Variants in CDKAL1 observed in about 807,000 individuals in gnomAD.
The protein encoded by CDKAL1 is threonylcarbamoyladenosine tRNA methylthiotransferase.
CDKAL1 carries 32 observed loss-of-function variants against 68.2 expected under a neutral mutation model. The observed-to-expected ratio is 0.47, with a 90% CI of 0.35 to 0.63. The LOEUF (loss-of-function observed/expected upper bound fraction) is 0.63, where lower values mean the gene tolerates loss of function less well. CDKAL1 is among the 30% of genes least tolerant of loss of function. CDKAL1 has a pLI of 0.00. For missense variants in CDKAL1, 606 were observed against 696.7 expected (o/e 0.87, Z 1.47); for synonymous variants, 234 against 244.3 (o/e 0.96, Z 0.39).
chr6:20,610,411 T>A (rs1359294081), intron 4 of CDKAL1, among the ~76,000 whole-genome samples: 1 of 152,214 alleles, frequency 6.6e-6, no homozygotes, highest in East Asian at 1.9e-4. Flanking sequence ...GTATAAGCTT[T>A]TCCTTTTTCT....
intron 8 of CDKAL1, among the ~76,000 whole-genome samples, chr6:20,810,543 G>T (rs1468194731): frequency 1.3e-5 from 2 of 151,388 alleles, no homozygotes; most frequent in Non-Finnish European, 2.9e-5. Context: ...GCTGCAGTGA[G>T]CTATGATCAT....
chr6:21,116,834 G>A (rs759314116), intron 13 of CDKAL1, among the ~76,000 whole-genome samples: 11 of 152,026 alleles, frequency 7.2e-5, no homozygotes, highest in African/African-American at 2.7e-4. Context: ...TATTTACCAC[G>A]CCTAAAAGTA....
Position 20,619,143 on chromosome 6 carries a change from A to G in CDKAL1, c.287-30150A>G, listed in dbSNP as rs9358354. 2.0e-5 allele frequency among the ~76,000 whole-genome samples: 3 copies of G among 152,268 alleles called. No individual in the cohort carries two copies. In the East Asian group the frequency reaches 5.8e-4, roughly 29 times the overall value. On this transcript the variant is annotated intron_variant, in intron 4 of 15. Transcript: ENST00000274695. The stretch of plus-strand genomic sequence containing the variant: ...TTTAAAGCTAAGCTACCCTCATATC[A>G]CTTGTTATTGATAATTCAGATGTAT...
At chr6:21,071,604 T>A (rs1771771972) in intron 12 of CDKAL1, among the ~76,000 whole-genome samples, 1 of 152,212 alleles carries the variant, frequency 6.6e-6, no homozygotes, top group Non-Finnish European at 1.5e-5. Flanking sequence ...TTTTGTTTTT[T>A]CTTGATTCTG....
At chr6:21,208,829 G>A (rs959729297) in intron 15 of CDKAL1, among the ~76,000 whole-genome samples, 3 of 152,188 alleles carry the variant, frequency 2.0e-5, no homozygotes, top group East Asian at 1.9e-4. Flanking sequence ...TTTATTGACC[G>A]TTGCAGCTGA....
intron 9 of CDKAL1, among the ~76,000 whole-genome samples, chr6:20,850,184 A>G (rs1758933724): frequency 6.6e-6 from 1 of 152,198 alleles, no homozygotes; most frequent in Non-Finnish European, 1.5e-5. Flanking sequence ...AAGTTACTCT[A>G]TAATGAAAAA....
At chr6:20,706,005 A>C (rs1471979157) in intron 5 of CDKAL1, among the ~76,000 whole-genome samples, 1 of 152,250 alleles carries the variant, frequency 6.6e-6, no homozygotes, top group East Asian at 1.9e-4. Context: ...GACCGTCTCC[A>C]TGGGTGCTGT....
At chr6:20,878,103 A>G (rs965432636) in intron 9 of CDKAL1, among the ~76,000 whole-genome samples, 15 of 152,178 alleles carry the variant, frequency 9.9e-5, no homozygotes, top group African/African-American at 3.6e-4. Context: ...GTGGTATTTA[A>G]TGGTATTTTA....
intron 12 of CDKAL1, among the ~76,000 whole-genome samples, chr6:21,108,139 A>T (rs974656649): frequency 5.3e-5 from 8 of 151,888 alleles, no homozygotes; most frequent in Admixed American, 1.3e-4. Context: ...GTTTTTGATG[A>T]TGATTAGTGT....
rs571474942 is a variant in CDKAL1, at chr6:20,558,044, T to TGA, written c.286+9342_286+9343dup. On this transcript the variant is annotated intron_variant, in intron 4 of 15. Transcript: ENST00000274695. ...CTTATGTTAGGTTATTTGCATGAACTGAGATTATTAAGTTCTAATATTTTT... is the reference window on the plus strand; with the variant it reads ...CTTATGTTAGGTTATTTGCATGAACTGAGAGATTATTAAGTTCTAATATTTTT... 6.7e-4 allele frequency among the ~76,000 whole-genome samples: 102 copies of TGA among 152,370 alleles called. 1 individual carries two copies. Among genetic ancestry groups the TGA allele is most frequent in the African/African-American group, 2.2e-3 (90 of 41,596 alleles).
At chr6:20,620,498 A>C (rs1393368030) in intron 4 of CDKAL1, among the ~76,000 whole-genome samples, 1 of 152,220 alleles carries the variant, frequency 6.6e-6, no homozygotes, top group African/African-American at 2.4e-5. Flanking sequence ...AGAAAGGTGA[A>C]GCTCCAGAGG....
At chr6:20,681,768 G>A (rs1373455222) in intron 5 of CDKAL1, among the ~76,000 whole-genome samples, 2 of 152,162 alleles carry the variant, frequency 1.3e-5, no homozygotes, top group African/African-American at 2.4e-5. Context: ...GCCTGGTGGA[G>A]CTCATAGGAT....
At chr6:20,724,320 T>C (rs887976116) in intron 5 of CDKAL1, among the ~76,000 whole-genome samples, 21 of 152,212 alleles carry the variant, frequency 1.4e-4, no homozygotes, top group Admixed American at 1.2e-3. Context: ...CCTTTTCTTT[T>C]TGAAAATGGA....
chr6:20,690,658 T>G (rs1213072564), intron 5 of CDKAL1, among the ~76,000 whole-genome samples: 1 of 152,174 alleles, frequency 6.6e-6, no homozygotes, highest in African/African-American at 2.4e-5. Flanking sequence ...ATTTTTTTGA[T>G]TATTTACTAT....
chr6:21,001,484 C>T (rs988168028), intron 11 of CDKAL1, among the ~76,000 whole-genome samples: 5 of 151,612 alleles, frequency 3.3e-5, no homozygotes, highest in African/African-American at 1.2e-4. Context: ...ATCCTAACCA[C>T]CAAGAATAAA....
intron 4 of CDKAL1, among the ~76,000 whole-genome samples, chr6:20,580,842 T>G (rs1397954114): frequency 6.6e-6 from 1 of 152,054 alleles, no homozygotes; most frequent in Admixed American, 6.6e-5. Flanking sequence ...CAGGCTGAAG[T>G]GCAATGGTGC....
At chr6:20,675,665 A>C (rs1770056666) in intron 5 of CDKAL1, among the ~76,000 whole-genome samples, 1 of 152,236 alleles carries the variant, frequency 6.6e-6, no homozygotes, top group African/African-American at 2.4e-5. Flanking sequence ...ATTGTGTAAA[A>C]GTATAGCACG....
intron 9 of CDKAL1, among the ~76,000 whole-genome samples, chr6:20,894,628 G>A (rs1761581943): frequency 6.6e-6 from 1 of 151,986 alleles, no homozygotes; most frequent in Non-Finnish European, 1.5e-5. Context: ...GAGTGTTACA[G>A]GTTTAACAAC....
chr6:20,829,084 G>T (rs1777612281), intron 8 of CDKAL1, among the ~76,000 whole-genome samples: 4 of 152,102 alleles, frequency 2.6e-5, no homozygotes, highest in Admixed American at 2.6e-4. Context: ...TACATCTGTT[G>T]ATTGACATTT....
Sources: allele counts gnomAD v4.1 joint callset (sites outside exome capture counted in the v4.1 genomes callset), GRCh38; gene constraint gnomAD v4.1.1; transcripts MANE v1.5; gene names NCBI Gene and HGNC (gene_info 2026-07-23, HGNC 2026-07-21).